The following RABEP1 variants were observed in gnomAD, a reference collection of about 807,000 sequenced individuals.
The protein encoded by RABEP1 is rabaptin, RAB GTPase binding effector protein 1, also known as rab GTPase-binding effector protein 1.
A neutral mutation model predicts 123.4 loss-of-function variants in RABEP1; 51 were observed. That is an observed-to-expected ratio of 0.41 (90% CI 0.33 to 0.52). RABEP1 has a LOEUF of 0.52. Ranked by LOEUF, RABEP1 falls within the 20% of genes least tolerant of loss-of-function variation. The pLI is 0.16. For synonymous variants in RABEP1, 347 were observed against 355.2 expected, an observed-to-expected ratio of 0.98 and a Z score of 0.26; for missense variants, 888 against 996.3, an observed-to-expected ratio of 0.89 and a Z score of 1.46.
chr17:5,342,802 A>G (rs947365337), intron 5 of RABEP1, among the ~76,000 whole-genome samples: 3 of 152,220 alleles, frequency 2.0e-5, no homozygotes, highest in Admixed American at 6.5e-5. Flanking sequence ...ACCAGATAGC[A>G]GGACCACAGT....
rs1286216565 is a variant in RABEP1 at position 5,346,876 on chromosome 17, A to G, written c.735A>G (p.Lys245=). 1 of 1,608,448 alleles carries G rather than the reference A, an allele frequency of 6.2e-7. No homozygotes were observed. The highest frequency in any genetic ancestry group is 8.5e-7 in the Non-Finnish European group (1 of 1,176,700). ...ATGTAGCTGTTTTGAATACTCAGAA[A>G]TCTGTTCTACAGGAAGATGCTGAGA... ...EMYVAVLNTQ[K]SVLQEDAEKL... Residue 245 remains lysine, a synonymous_variant, in exon 6 of 18, where the codon AAA becomes AAG. Transcript: ENST00000537505.
At chr17:5,371,750 C>T (rs1011947085) in intron 12 of RABEP1, 1 of 152,230 alleles carries the variant, frequency 6.6e-6, no homozygotes, top group Non-Finnish European at 1.5e-5. Context: ...TTAGGTACCC[C>T]TTTGTCCTTT....
In RABEP1 at chr17:5,383,527, T is replaced by G. The variant is rs866577437; in HGVS notation, c.*304T>G. The G allele has an allele frequency of 3.6e-5, 13 of 365,008 alleles. No homozygotes were observed. The highest frequency in any genetic ancestry group is 5.1e-5 in the Non-Finnish European group (10 of 196,524). The allele number at this position is 365,008 out of a possible 1,614,324, so 22.6% of individuals were successfully genotyped here. ...CCTTGCCTGCTTTCTCCAAGACAGA[T>G]TTTCGGAACACATTTCCCTACCCTA... On this transcript the variant is annotated 3_prime_UTR_variant, in exon 18 of 18. Coordinates refer to ENST00000537505, the MANE Select transcript of RABEP1 (RefSeq NM_004703.6).
At chr17:5,286,705 G>A (rs1394867636) in intron 1 of RABEP1, among the ~76,000 whole-genome samples, 1 of 152,090 alleles carries the variant, frequency 6.6e-6, no homozygotes, top group Non-Finnish European at 1.5e-5. Context: ...TGTTTGTCAG[G>A]CACAATTCTA....
intron 1 of RABEP1, among the ~76,000 whole-genome samples, chr17:5,291,567 G>A (rs993017492): frequency 1.3e-5 from 2 of 152,066 alleles, no homozygotes; most frequent in Admixed American, 1.3e-4. Flanking sequence ...TGGTTATGAT[G>A]TGAACAGTTT....
At chr17:5,311,752 T>C (rs1323071317) in intron 2 of RABEP1, among the ~76,000 whole-genome samples, 2 of 148,662 alleles carry the variant, frequency 1.3e-5, no homozygotes, top group Non-Finnish European at 3.0e-5. Context: ...ATAAAAATCA[T>C]TGGAAATGCA....
intron 2 of RABEP1, among the ~76,000 whole-genome samples, chr17:5,331,426 A>G (rs1200787976): frequency 6.6e-6 from 1 of 152,188 alleles, no homozygotes; most frequent in East Asian, 1.9e-4. Flanking sequence ...CTGGGCTTAA[A>G]CCATGTAGTA....
chr17:5,314,406 C>G (rs2075275751), intron 2 of RABEP1, among the ~76,000 whole-genome samples: 2 of 150,916 alleles, frequency 1.3e-5, no homozygotes, highest in Non-Finnish European at 2.9e-5. Flanking sequence ...CCACGCCCAG[C>G]TAGTTTTTGT....
At chr17:5,327,808 A>C (rs1334453988) in intron 2 of RABEP1, among the ~76,000 whole-genome samples, 2 of 152,238 alleles carry the variant, frequency 1.3e-5, no homozygotes, top group Non-Finnish European at 2.9e-5. Context: ...TATATAAAGT[A>C]TTGGCATGAA....
intron 1 of RABEP1, among the ~76,000 whole-genome samples, chr17:5,288,420 G>A (rs2074999982): frequency 1.3e-5 from 2 of 152,106 alleles, no homozygotes; most frequent in African/African-American, 4.8e-5. Context: ...TTTTGAGATG[G>A]AATCTCGCTC....
Position 5,362,918 on chromosome 17 carries a change from A to G in RABEP1, c.1570A>G (p.Asn524Asp), listed in dbSNP as rs1355024876. ...EWNLLQKEVH[N>D]AGNKLGRRCD... ...TAATTTTGGTGCCCTTCAGGTACAT[A>G]ATGCTGGAAATAAACTTGGTAGACG... The change falls in exon 10 of 18, where the codon AAT (asparagine) becomes GAT (aspartate). Residue 524 changes from asparagine (N) to aspartate (D), a missense_variant. Coordinates refer to ENST00000537505, the MANE Select transcript of RABEP1 (RefSeq NM_004703.6). 2 of 1,611,906 alleles carry G rather than the reference A, an allele frequency of 1.2e-6. No homozygotes were observed. The highest frequency in any genetic ancestry group is 1.7e-6 in the Non-Finnish European group (2 of 1,178,070).
At chr17:5,377,016 C>A in intron 13 of RABEP1, 100 bp from the exon 14 acceptor site, 1 of 1,264,350 alleles carries the variant, frequency 7.9e-7, no homozygotes, top group Non-Finnish European at 1.1e-6. Context: ...ATTTTTGAAC[C>A]ATTAAAACAA....
At chr17:5,333,520 T>C (rs1432031148) in intron 3 of RABEP1, among the ~76,000 whole-genome samples, 1 of 152,170 alleles carries the variant, frequency 6.6e-6, no homozygotes, top group Admixed American at 6.5e-5. Flanking sequence ...GTGTTTGCAA[T>C]TGTGTATCAC....
intron 2 of RABEP1, among the ~76,000 whole-genome samples, chr17:5,313,973 A>G (rs2075269875): frequency 6.6e-6 from 1 of 152,194 alleles, no homozygotes. Context: ...CTAGTCTTTA[A>G]TGATTGCCAC....
chr17:5,347,553 G>A (rs1049032384), intron 6 of RABEP1, among the ~76,000 whole-genome samples: 3 of 152,150 alleles, frequency 2.0e-5, no homozygotes, highest in Admixed American at 6.5e-5. Flanking sequence ...AGGTGTATTA[G>A]CAAAAGTGAA....
chr17:5,383,348 G>GTA lies in RABEP1; in HGVS notation c.*125_*126insTA. The GTA allele has an allele frequency of 1.3e-6, 1 of 785,380 alleles. No homozygotes were observed. Among genetic ancestry groups the GTA allele is most frequent in the Non-Finnish European group, 2.1e-6 (1 of 476,732 alleles). The allele number at this position is 785,380 out of a possible 1,614,324, so 48.7% of individuals were successfully genotyped here. A position where few individuals can be genotyped will look rare whatever the true frequency, so the allele number is the denominator to read the frequency against. On this transcript the variant is annotated 3_prime_UTR_variant, in exon 18 of 18. Transcript: ENST00000537505. ...ACAACAAAAGGAAGACTGGAGAAAT[G>GTA]CTTACTTCTAGAGGGAGAAGACTGT...
At chr17:5,355,632 T>C (rs1170485669) in intron 8 of RABEP1, among the ~76,000 whole-genome samples, 1 of 152,234 alleles carries the variant, frequency 6.6e-6, no homozygotes, top group Non-Finnish European at 1.5e-5. Flanking sequence ...TTAAATTGGA[T>C]ACAGGTCTTG....
rs930178287 is a variant in RABEP1, at chr17:5,334,955, C to T, written c.368-229C>T. ...TAATCTTTCCTAAGGTTTTCTCCTT[C>T]GTAAAATAATATATGACACAGGTTT... On this transcript the variant is annotated intron_variant, in intron 3 of 17. Coordinates refer to ENST00000537505, the MANE Select transcript of RABEP1 (RefSeq NM_004703.6). Among the ~76,000 whole-genome samples the T allele has an allele frequency of 7.9e-5, 12 of 152,144 alleles. No individual in the cohort carries two copies. In the South Asian group the frequency reaches 1.2e-3, roughly 16 times the overall value.
intron 3 of RABEP1, among the ~76,000 whole-genome samples, chr17:5,333,857 A>C (rs1906793567): frequency 6.6e-6 from 1 of 152,118 alleles, no homozygotes; most frequent in African/African-American, 2.4e-5. Flanking sequence ...GAAAAGCAAA[A>C]ATTTTCTAGA....
Sources: gnomAD v4.1 joint callset for allele counts (sites outside exome capture counted in the v4.1 genomes callset) on GRCh38, gnomAD v4.1.1 for gene constraint, MANE v1.5 for transcripts, NCBI Gene and HGNC (gene_info 2026-07-23, HGNC 2026-07-21) for gene names.